RBFOX1: variants seen among roughly 807,000 people sequenced by gnomAD.
RBFOX1 encodes the protein RNA binding fox-1 homolog 1.
In RBFOX1, 8 loss-of-function variants were observed where a neutral mutation model predicts 57.7. The observed-to-expected ratio is 0.14, with a 90% confidence interval of 0.08 to 0.25. RBFOX1 has a LOEUF of 0.25. Among genes scored for constraint, RBFOX1 ranks in the 10% least tolerant of loss-of-function variants. The pLI, the probability that RBFOX1 is intolerant of heterozygous loss-of-function variation, is 1.00. For synonymous variants in RBFOX1, 326 were observed against 222.4 expected, an observed-to-expected ratio of 1.47 and a Z score of -4.15; for missense variants, 611 against 548.5, an observed-to-expected ratio of 1.11 and a Z score of -1.14.
At position 5,924,597 on chromosome 16, in the gene RBFOX1, C is replaced by G. The variant is rs189441311; in HGVS notation, c.351+57262C>G. Among the ~76,000 whole-genome samples, 6 of 152,310 alleles carry G rather than the reference C, an allele frequency of 3.9e-5. No homozygotes were observed. In the East Asian group the frequency reaches 9.6e-4, roughly 24 times the overall value. Reference sequence around the variant, plus strand: ...ATTTTCCACCATAAGTAGAAGTAGCCTGAAGCCCTCAGCAGAAACAGATGC... The same window carrying G: ...ATTTTCCACCATAAGTAGAAGTAGCGTGAAGCCCTCAGCAGAAACAGATGC... On this transcript the variant is annotated intron_variant, in intron 4 of 19. Coordinates refer to the RBFOX1 transcript ENST00000641259.
intron 9 of RBFOX1, 74 bp downstream of exon 9, chr16:7,597,505 A>G: frequency 3.7e-6 from 5 of 1,345,220 alleles, no homozygotes; most frequent in Non-Finnish European, 2.1e-6. Context: ...CAGAGATTCT[A>G]TTACAACAAG....
rs1567535267 is a variant in RBFOX1, at chr16:5,454,907, T to TTCC, written c.220-12308_220-12307insCCT. Among the ~76,000 whole-genome samples, 40 of 107,604 alleles carry TTCC rather than the reference T, an allele frequency of 3.7e-4. 1 individual carries two copies. The highest frequency in any genetic ancestry group is 1.2e-3 in the East Asian group (4 of 3,420). The allele number at this position is 107,604 out of a possible 152,430, so 70.6% of individuals were successfully genotyped here. A position where few individuals can be genotyped will look rare whatever the true frequency, so the allele number is the denominator to read the frequency against. On this transcript the variant is annotated intron_variant, in intron 1 of 2. Transcript: ENST00000585867. ...CTTTCTTTCTTTCTTTCTTTCTTTC[T>TTCC]TTCTTTCCTTTGTTTCTTTCTTCCT...
chr16:5,602,759 T>C (rs1235408382), downstream of RBFOX1, among the ~76,000 whole-genome samples: 2 of 152,136 alleles, frequency 1.3e-5, no homozygotes, highest in Non-Finnish European at 2.9e-5. Context: ...ATAATGTAGT[T>C]GTAATAAATG....
At chr16:6,137,660 C>G (rs1162924980) in intron 1 of RBFOX1, among the ~76,000 whole-genome samples, 1 of 132,164 alleles carries the variant, frequency 7.6e-6, no homozygotes, top group Non-Finnish European at 1.5e-5. Flanking sequence ...GTTGCCCAGA[C>G]TAGAGTGAAG....
At chr16:5,797,401 G>GTCACTCCCTA (rs2054914007) in intron 3 of RBFOX1, among the ~76,000 whole-genome samples, 1 of 152,194 alleles carries the variant, frequency 6.6e-6, no homozygotes, top group Admixed American at 6.5e-5. Context: ...CTTCTGAGAA[G>GTCACTCCCTA]TCACTCCCTA....
intron 3 of RBFOX1, among the ~76,000 whole-genome samples, chr16:5,856,440 T>G (rs2057059663): frequency 7.2e-6 from 1 of 139,140 alleles, no homozygotes; most frequent in South Asian, 2.3e-4. Context: ...TTGTTCATTG[T>G]CATCACAAGA....
intron 5 of RBFOX1, among the ~76,000 whole-genome samples, chr16:7,553,218 C>G (rs773305367): frequency 6.6e-6 from 1 of 152,114 alleles, no homozygotes; most frequent in Non-Finnish European, 1.5e-5. Flanking sequence ...AATCATAGCT[C>G]ACTTCAGCCT....
chr16:5,274,446 T>A (rs1474206155), intron 1 of RBFOX1, among the ~76,000 whole-genome samples: 1 of 152,130 alleles, frequency 6.6e-6, no homozygotes, highest in East Asian at 1.9e-4. Context: ...TGAGATTCGC[T>A]TGAACCCAGG....
intron 2 of RBFOX1, among the ~76,000 whole-genome samples, chr16:6,492,257 G>A (rs964655861): frequency 1.3e-5 from 2 of 152,118 alleles, no homozygotes; most frequent in African/African-American, 2.4e-5. Flanking sequence ...TTCTGTAGAG[G>A]ACTATTTGGG....
At chr16:6,681,316 T>TA (rs2058618689) in intron 3 of RBFOX1, among the ~76,000 whole-genome samples, 4 of 149,154 alleles carry the variant, frequency 2.7e-5, no homozygotes, top group Admixed American at 2.6e-4. Flanking sequence ...AGAGCCTGTC[T>TA]GGAAAAAAAA....
chr16:7,280,185 G>C (rs976311116), intron 4 of RBFOX1, among the ~76,000 whole-genome samples: 19 of 152,212 alleles, frequency 1.2e-4, no homozygotes, highest in African/African-American at 4.3e-4. Context: ...TGTACACCTT[G>C]ACTAAATTCA....
chr16:7,460,672 C>T (rs575971860), intron 4 of RBFOX1, among the ~76,000 whole-genome samples: 4 of 151,514 alleles, frequency 2.6e-5, no homozygotes, highest in Non-Finnish European at 4.4e-5. Flanking sequence ...CCATGACACA[C>T]GTTTACCTGT....
In RBFOX1 at chr16:7,518,324, G is replaced by T; in HGVS notation, c.205G>T (p.Ala69Ser). The T allele has an allele frequency of 1.2e-6, 2 of 1,613,884 alleles. No homozygotes were observed. The highest frequency in any genetic ancestry group is 2.2e-5 in the East Asian group (1 of 44,856). The change falls in exon 5 of 16, where the codon GCC (alanine) becomes TCC (serine). Residue 69 changes from alanine to serine, a missense_variant. This residue lies in a region of RBFOX1 where 245 missense variants were observed against 159.1 expected (regional missense o/e 1.54). Coordinates refer to ENST00000550418, the MANE Select transcript of RBFOX1 (RefSeq NM_018723.4). ...GCACACATTAAACCTGTACCCTCCC[G>T]CCCAGACGCACTCCGAGCAGAGCCC... is the stretch of plus-strand genomic sequence containing the variant. ...PEHTLNLYPP[A>S]QTHSEQSPAD...
intron 5 of RBFOX1, among the ~76,000 whole-genome samples, chr16:7,567,565 C>CTA (rs200899404): frequency 3.5e-4 from 32 of 91,228 alleles, no homozygotes; most frequent in African/African-American, 1.2e-3. Flanking sequence ...ATATATGGCC[C>CTA]TATATATATA....
chr16:5,519,323 C>G (rs1477397745), intron 2 of RBFOX1, among the ~76,000 whole-genome samples: 1 of 152,220 alleles, frequency 6.6e-6, no homozygotes, highest in African/African-American at 2.4e-5. Context: ...AGTACTTTTA[C>G]TATCCTGACT....
At chr16:5,486,194 A>T (rs1007164649) in intron 2 of RBFOX1, among the ~76,000 whole-genome samples, 5 of 152,186 alleles carry the variant, frequency 3.3e-5, no homozygotes, top group Non-Finnish European at 2.9e-5. Flanking sequence ...AGTCCTGGTG[A>T]TGGAGACTTG....
At chr16:7,151,172 A>G (rs1333825666) in intron 4 of RBFOX1, among the ~76,000 whole-genome samples, 1 of 152,178 alleles carries the variant, frequency 6.6e-6, no homozygotes, top group Non-Finnish European at 1.5e-5. Context: ...GCTGAACTAG[A>G]GGCTACCTTG....
At chr16:5,393,081 G>T (rs1176027530) in intron 1 of RBFOX1, among the ~76,000 whole-genome samples, 1 of 152,076 alleles carries the variant, frequency 6.6e-6, no homozygotes, top group Non-Finnish European at 1.5e-5. Context: ...GAGTGGCGAG[G>T]GTGGGGCTGT....
chr16:7,619,363 G>A (rs2058953838), intron 10 of RBFOX1, among the ~76,000 whole-genome samples: 1 of 152,096 alleles, frequency 6.6e-6, no homozygotes, highest in Admixed American at 6.6e-5. Flanking sequence ...CCATAGCAGG[G>A]GAAGGGGCAG....
Sources: allele counts gnomAD v4.1 joint callset (sites outside exome capture counted in the v4.1 genomes callset), GRCh38; gene constraint gnomAD v4.1.1; regional missense constraint gnomAD v4.1.1; transcripts MANE v1.5; gene names NCBI Gene and HGNC (gene_info 2026-07-23, HGNC 2026-07-21).